The following ALK variants were observed in gnomAD, a reference collection of about 807,000 sequenced individuals.
The protein encoded by ALK is ALK receptor tyrosine kinase, also known as ALK tyrosine kinase receptor.
Under a neutral mutation model 163.1 loss-of-function variants are expected in ALK, and 74 were observed. The ratio of observed to expected loss-of-function variants is 0.45; its 90% CI spans 0.38 to 0.55. ALK has a LOEUF of 0.55. Ranked by LOEUF, ALK falls within the 20% of genes least tolerant of loss-of-function variation. ALK has a pLI of 0.00. For synonymous variants in ALK, 960 were observed against 843.2 expected (o/e 1.14, Z -2.40); for missense variants, 2,063 against 2,105.3 (o/e 0.98, Z 0.39).
chr2:29,672,735 C>A (rs1462989756), intron 3 of ALK, among the ~76,000 whole-genome samples: 1 of 152,062 alleles, frequency 6.6e-6, no homozygotes, highest in African/African-American at 2.4e-5. Context: ...ACTTCTAGAT[C>A]CCTGAGGAAT....
intron 26 of ALK, among the ~76,000 whole-genome samples, chr2:29,199,269 T>C (rs1254407948): frequency 5.3e-5 from 8 of 152,232 alleles, no homozygotes; most frequent in Non-Finnish European, 1.0e-4. Context: ...TGCTTTCTAA[T>C]GCTACTTTTT....
chr2:29,847,998 C>G (rs1558516616), intron 1 of ALK, among the ~76,000 whole-genome samples: 1 of 152,066 alleles, frequency 6.6e-6, no homozygotes, highest in African/African-American at 2.4e-5. Flanking sequence ...ATAGGCCCAG[C>G]TAGGGAGCCA....
chr2:29,318,152 G>A, intron 8 of ALK, 152 bp downstream of exon 8: 1 of 705,418 alleles, frequency 1.4e-6, no homozygotes, highest in South Asian at 1.5e-5. Flanking sequence ...TGATGGACAT[G>A]CTCTGCCTCG....
intron 5 of ALK, among the ~76,000 whole-genome samples, chr2:29,375,518 C>T (rs142041227): frequency 1.3e-5 from 2 of 152,126 alleles, no homozygotes; most frequent in East Asian, 3.9e-4. Flanking sequence ...AGGGTTTCAC[C>T]ATGTTGGCCA....
At chr2:29,659,901 C>T (rs1677300301) in intron 3 of ALK, among the ~76,000 whole-genome samples, 1 of 152,178 alleles carries the variant, frequency 6.6e-6, no homozygotes, top group African/African-American at 2.4e-5. Flanking sequence ...CCTTTGCTCT[C>T]ATCTCTCCCC....
At position 29,883,812 on chromosome 2, in the gene ALK, T is replaced by C. The variant is rs545695135; in HGVS notation, c.667+36181A>G. Among the ~76,000 whole-genome samples the C allele has an allele frequency of 1.9e-4, 29 of 152,290 alleles. No homozygotes were observed. In the South Asian group the frequency reaches 5.6e-3, roughly 29 times the overall value. ...ATATATTGGAAAATTTTTTGGAGAT[T>C]TGTGACAGTTTGAGAAAACTCACAG... On this transcript the variant is annotated intron_variant, in intron 1 of 28. Coordinates refer to ENST00000389048, the MANE Select transcript of ALK (RefSeq NM_004304.5).
intron 8 of ALK, among the ~76,000 whole-genome samples, chr2:29,307,022 A>G (rs1463777725): frequency 1.7e-4 from 26 of 152,252 alleles, no homozygotes; most frequent in Admixed American, 1.7e-3. Flanking sequence ...AAAGTCCTGT[A>G]TGTAAAGCCG....
At chr2:29,877,789 G>A (rs1172459239) in intron 1 of ALK, among the ~76,000 whole-genome samples, 1 of 151,656 alleles carries the variant, frequency 6.6e-6, no homozygotes, top group Non-Finnish European at 1.5e-5. Context: ...CAAAAGCGCT[G>A]CTCCTTGTGG....
intron 1 of ALK, among the ~76,000 whole-genome samples, chr2:29,734,317 A>C (rs910939205): frequency 6.6e-6 from 1 of 152,208 alleles, no homozygotes; most frequent in Non-Finnish European, 1.5e-5. Flanking sequence ...ATGTTGCCCT[A>C]AAGAGAAGAG....
At chr2:29,320,606 G>C in intron 7 of ALK, 145 bp downstream of exon 7, 2 of 1,120,828 alleles carry the variant, frequency 1.8e-6, no homozygotes, top group Non-Finnish European at 2.7e-6. Context: ...TGTGAAGAGG[G>C]AATTGTGTGT....
At chr2:29,578,600 G>A (rs1010414610) in intron 3 of ALK, among the ~76,000 whole-genome samples, 2 of 152,192 alleles carry the variant, frequency 1.3e-5, no homozygotes, top group African/African-American at 4.8e-5. Flanking sequence ...GGCATTCTCT[G>A]GCTTTCTTCC....
At chr2:29,392,902 G>GTGAATGTTCAATGTTACTGAGGT (rs1669210772) in intron 4 of ALK, among the ~76,000 whole-genome samples, 1 of 152,178 alleles carries the variant, frequency 6.6e-6, no homozygotes, top group Admixed American at 6.5e-5. Flanking sequence ...TTAAAGGTCA[G>GTGAATGTTCAATGTTACTGAGGT]TGAATGTTCA....
At chr2:29,717,040 TG>T (rs1679279701) in intron 2 of ALK, among the ~76,000 whole-genome samples, 1 of 138,438 alleles carries the variant, frequency 7.2e-6, no homozygotes, top group African/African-American at 2.7e-5. Context: ...GGCATGGTAG[TG>T]GGAGCCTGTA....
At chr2:29,477,703 CAGAGGGATGG>C (rs1219176325) in intron 4 of ALK, among the ~76,000 whole-genome samples, 1 of 152,090 alleles carries the variant, frequency 6.6e-6, no homozygotes, top group African/African-American at 2.4e-5. Flanking sequence ...TGACAGCAGG[CAGAGGGATGG>C]AGAGGGATGC....
At chr2:29,471,318 T>C (rs1030275961) in intron 4 of ALK, among the ~76,000 whole-genome samples, 3 of 152,266 alleles carry the variant, frequency 2.0e-5, no homozygotes, top group Non-Finnish European at 4.4e-5. Flanking sequence ...GATAACAAAA[T>C]CTAAGAAGGC....
At chr2:29,300,425 T>C (rs1251994665) in intron 8 of ALK, among the ~76,000 whole-genome samples, 1 of 151,908 alleles carries the variant, frequency 6.6e-6, no homozygotes, top group African/African-American at 2.4e-5. Flanking sequence ...GGCAGGTACC[T>C]GTAGTCCCAG....
At chr2:29,205,664 C>G (rs1028546900) in intron 26 of ALK, among the ~76,000 whole-genome samples, 1 of 152,176 alleles carries the variant, frequency 6.6e-6, no homozygotes, top group African/African-American at 2.4e-5. Flanking sequence ...TGTGCTCACA[C>G]TCCCTCTTCT....
rs575528733 is a variant in ALK, at chr2:29,900,025, G to A, written c.667+19968C>T. ...CATCATGGGCATCACAGCTGGTCTC[G>A]CCTCTTCATTGACCTAAAATCCTCA... On this transcript the variant is annotated intron_variant, in intron 1 of 28. Coordinates refer to ENST00000389048, the MANE Select transcript of ALK (RefSeq NM_004304.5). Among the ~76,000 whole-genome samples the A allele has an allele frequency of 7.9e-5, 12 of 152,228 alleles. No individual in the cohort carries two copies. The South Asian group carries it at 8.3e-4, about 11-fold the overall frequency.
At chr2:29,353,285 C>CTTCA (rs1668163081) in intron 5 of ALK, among the ~76,000 whole-genome samples, 1 of 152,204 alleles carries the variant, frequency 6.6e-6, no homozygotes, top group Non-Finnish European at 1.5e-5. Context: ...CTTAGAAGAG[C>CTTCA]TTCAGGTCTG....
Sources: gnomAD v4.1 joint callset for allele counts (sites outside exome capture counted in the v4.1 genomes callset) on GRCh38, gnomAD v4.1.1 for gene constraint, MANE v1.5 for transcripts, NCBI Gene and HGNC (gene_info 2026-07-23, HGNC 2026-07-21) for gene names.